SLC1A1: variants seen among roughly 807,000 people sequenced by gnomAD.
SLC1A1 encodes the protein excitatory amino acid transporter 3.
SLC1A1 carries 43 observed loss-of-function variants against 53.3 expected under a neutral mutation model. The observed-to-expected ratio is 0.81, with a 90% CI of 0.63 to 1.04. The LOEUF (loss-of-function observed/expected upper bound fraction) is 1.04. Ranked by LOEUF, SLC1A1 falls within the 50% of genes least tolerant of loss-of-function variation. The pLI, the probability that SLC1A1 is intolerant of heterozygous loss-of-function variation, is 0.00. For synonymous variants in SLC1A1, 307 were observed against 243.2 expected (o/e 1.26, Z -2.44); for missense variants, 748 against 664.9 (o/e 1.12, Z -1.37).
chr9:4,505,045 CTTTTT>C (rs3038189), intron 1 of SLC1A1, among the ~76,000 whole-genome samples: 15 of 115,000 alleles, frequency 1.3e-4, no homozygotes, highest in African/African-American at 1.6e-4. Flanking sequence ...ACATATATTT[CTTTTT>C]TTTTTTTTTT....
In SLC1A1 at chr9:4,564,278, G is replaced by A. The variant is rs910007945; in HGVS notation, c.326-66G>A. 6 of 1,069,524 alleles carry A rather than the reference G, an allele frequency of 5.6e-6. No homozygotes were observed. In the South Asian group the frequency reaches 6.6e-5, roughly 12 times the overall value. The allele number at this position is 1,069,524 out of a possible 1,614,324, so 66.3% of individuals were successfully genotyped here. A position where few individuals can be genotyped will look rare whatever the true frequency, so the allele number is the denominator to read the frequency against. ...GTACAACCATGCCCATTGTTCTAAAGGTGCCAGCTGTGCCAGGTGCCCTGG... is the reference window on the plus strand; with the variant it reads ...GTACAACCATGCCCATTGTTCTAAAAGTGCCAGCTGTGCCAGGTGCCCTGG... On this transcript the variant is annotated intron_variant, in intron 3 of 11. Transcript: ENST00000262352.
chr9:4,585,936 T>TCCTC lies in SLC1A1; in HGVS notation c.*378_*379insCCTC. The TCCTC allele has an allele frequency of 5.3e-6, 1 of 189,972 alleles. No individual in the cohort carries two copies. Among genetic ancestry groups the TCCTC allele is most frequent in the Non-Finnish European group, 1.1e-5 (1 of 90,696 alleles). The allele number at this position is 189,972 out of a possible 1,614,324, so 11.8% of individuals were successfully genotyped here. On this transcript the variant is annotated 3_prime_UTR_variant, in exon 12 of 12. Transcript: ENST00000262352. ...TTAAAAAAAATATTCTGTCATTGGT[T>TCCTC]ACAAATTTTTACTCAGGCTTTCTAT...
At chr9:4,530,445 G>T (rs765227174) in intron 1 of SLC1A1, among the ~76,000 whole-genome samples, 8 of 152,180 alleles carry the variant, frequency 5.3e-5, no homozygotes, top group Non-Finnish European at 7.3e-5. Context: ...CTCTTCCTGG[G>T]CGCAGAGATG....
intron 1 of SLC1A1, among the ~76,000 whole-genome samples, chr9:4,504,434 G>C (rs559545147): frequency 6.6e-6 from 1 of 152,310 alleles, no homozygotes; most frequent in Non-Finnish European, 1.5e-5. Context: ...AGGAGACTTT[G>C]AACAACTGCG....
rs1440916855 is a variant in SLC1A1, at chr9:4,545,353, G to A, written c.232+646G>A. On this transcript the variant is annotated intron_variant, in intron 2 of 11. Coordinates refer to ENST00000262352, the MANE Select transcript of SLC1A1 (RefSeq NM_004170.6). ...GCTCAAATCTTCATTTGACCAGCAT[G>A]TGATGTCTTGGGAGGAAAATGTCAT... Among the ~76,000 whole-genome samples, 4 of 152,254 alleles carry A rather than the reference G, an allele frequency of 2.6e-5. No individual in the cohort carries two copies. The East Asian group carries it at 7.7e-4, about 29-fold the overall frequency.
At chr9:4,492,162 G>C (rs766520524) in intron 1 of SLC1A1, among the ~76,000 whole-genome samples, 1 of 151,312 alleles carries the variant, frequency 6.6e-6, no homozygotes, top group Non-Finnish European at 1.5e-5. Context: ...TTTTTTTTCG[G>C]TTTTGAACAT....
chr9:4,495,243 G>A (rs1479925297), intron 1 of SLC1A1, among the ~76,000 whole-genome samples: 2 of 152,172 alleles, frequency 1.3e-5, no homozygotes, highest in Admixed American at 1.3e-4. Flanking sequence ...CACCTGCATA[G>A]AACCTTGGCT....
chr9:4,514,349 G>T (rs915804040), intron 1 of SLC1A1, among the ~76,000 whole-genome samples: 3 of 152,098 alleles, frequency 2.0e-5, no homozygotes, highest in African/African-American at 4.8e-5. Context: ...TGATGCTGCC[G>T]TAATTCCCAT....
In SLC1A1 at chr9:4,544,556, G is replaced by C. The variant is rs1586742891; in HGVS notation, c.92-11G>C. On this transcript the variant is annotated splice_polypyrimidine_tract_variant and intron_variant, in intron 1 of 11. Transcript: ENST00000262352. ...TTCCTCTTCCTTCTTTCCAACTCTT[G>C]TTTTCCTTAGGCATTACCACAGGAG... The C allele has an allele frequency of 1.2e-6, 2 of 1,612,526 alleles. No individual in the cohort carries two copies. The highest frequency in any genetic ancestry group is 4.5e-5 in the East Asian group (2 of 44,880).
intron 1 of SLC1A1, among the ~76,000 whole-genome samples, chr9:4,503,972 A>C (rs565623695): frequency 6.6e-5 from 10 of 152,304 alleles, no homozygotes; most frequent in African/African-American, 2.2e-4. Context: ...AGTCATCCCA[A>C]ACATACTTAA....
intron 1 of SLC1A1, among the ~76,000 whole-genome samples, chr9:4,541,131 G>C (rs1415884234): frequency 6.6e-6 from 1 of 152,266 alleles, no homozygotes; most frequent in South Asian, 2.1e-4. Flanking sequence ...AGAATTCCTT[G>C]TTGGCTCTGC....
At position 4,544,551 on chromosome 9, in the gene SLC1A1, CTCT is replaced by C. The variant is rs1259560005; in HGVS notation, c.92-14_92-12del. ...TAATGTTCCTCTTCCTTCTTTCCAA[CTCT>C]TGTTTTCCTTAGGCATTACCACAGG... is the stretch of plus-strand genomic sequence containing the variant. On this transcript the variant is annotated splice_polypyrimidine_tract_variant and intron_variant, in intron 1 of 11. Coordinates refer to ENST00000262352, the MANE Select transcript of SLC1A1 (RefSeq NM_004170.6). The C allele has an allele frequency of 1.2e-6, 2 of 1,611,866 alleles. No homozygotes were observed. The highest frequency in any genetic ancestry group is 2.7e-5 in the African/African-American group (2 of 74,876).
rs1464904590 is a variant in SLC1A1, at chr9:4,552,139, T to C, written c.232+7432T>C. Among the ~76,000 whole-genome samples the C allele has an allele frequency of 3.3e-5, 5 of 152,230 alleles. No homozygotes were observed. In the East Asian group the frequency reaches 9.6e-4, roughly 29 times the overall value. ...GATTTGATTACTTAAAAAGGGATTC[T>C]AAGGACCTTCTATATATTGGAGGCA... is the stretch of plus-strand genomic sequence containing the variant. On this transcript the variant is annotated intron_variant, in intron 2 of 11. Transcript: ENST00000262352.
Position 4,566,703 on chromosome 9 carries a change from A to T in SLC1A1, c.483+614A>T, listed in dbSNP as rs574809417. Among the ~76,000 whole-genome samples, 460 of 152,292 alleles carry T rather than the reference A, an allele frequency of 3.0e-3. 1 individual carries two copies. Among genetic ancestry groups the T allele is most frequent in the African/African-American group, 0.01 (421 of 41,552 alleles). ...TCTCTAAAAAGAAATAATTTAAAAAAAAATATAAAAAATCGTTGTATCCCC... is the reference window on the plus strand; with the variant it reads ...TCTCTAAAAAGAAATAATTTAAAAATAAATATAAAAAATCGTTGTATCCCC... On this transcript the variant is annotated intron_variant, in intron 5 of 11. Coordinates refer to ENST00000262352, the MANE Select transcript of SLC1A1 (RefSeq NM_004170.6).
intron 3 of SLC1A1, among the ~76,000 whole-genome samples, chr9:4,563,297 C>G (rs1819158498): frequency 6.6e-6 from 1 of 152,058 alleles, no homozygotes; most frequent in Admixed American, 6.5e-5. Context: ...GCCAAGGGAC[C>G]CAGGAGGGCT....
chr9:4,530,936 G>C (rs12003904), intron 1 of SLC1A1, among the ~76,000 whole-genome samples: 3,083 of 152,246 alleles, frequency 0.02, 114 homozygotes, highest in African/African-American at 0.07. Flanking sequence ...TGCCTCTTTG[G>C]TCGCTAGGAA....
chr9:4,573,546 T>G (rs1297710760), intron 7 of SLC1A1, among the ~76,000 whole-genome samples: 1 of 152,134 alleles, frequency 6.6e-6, no homozygotes, highest in Non-Finnish European at 1.5e-5. Flanking sequence ...AAGAGCCATA[T>G]TTGGCAGTGA....
chr9:4,511,332 T>G (rs1376932661), intron 1 of SLC1A1, among the ~76,000 whole-genome samples: 1 of 152,150 alleles, frequency 6.6e-6, no homozygotes, highest in Non-Finnish European at 1.5e-5. Context: ...AGCTGTTTCC[T>G]CACACAGTGG....
chr9:4,513,794 G>A (rs1168265721), intron 1 of SLC1A1, among the ~76,000 whole-genome samples: 3 of 152,156 alleles, frequency 2.0e-5, no homozygotes, highest in South Asian at 2.1e-4. Context: ...AATGGGAGAC[G>A]AGTCAAATAT....
Sources: gnomAD v4.1 joint callset for allele counts (sites outside exome capture counted in the v4.1 genomes callset) on GRCh38, gnomAD v4.1.1 for gene constraint, MANE v1.5 for transcripts, NCBI Gene and HGNC (gene_info 2026-07-23, HGNC 2026-07-21) for gene names.